The following GHR variants were observed in gnomAD, a reference collection of about 807,000 sequenced individuals.
GHR encodes the protein growth hormone receptor.
Under a neutral mutation model 67.1 loss-of-function variants are expected in GHR, and 35 were observed. That is an observed-to-expected ratio of 0.52 (90% CI 0.40 to 0.69). The LOEUF (loss-of-function observed/expected upper bound fraction) is 0.69. Ranked by LOEUF, GHR falls within the 30% of genes least tolerant of loss-of-function variation. The probability of loss-of-function intolerance (pLI) is 0.00; values close to 1 mark genes in which losing one functional copy is unlikely to be tolerated. For synonymous variants in GHR, 272 were observed against 269.1 expected (o/e 1.01, Z -0.10); for missense variants, 792 against 764.6 (o/e 1.04, Z -0.42).
At chr5:42,712,581 A>G (rs1429305434) in intron 7 of GHR, among the ~76,000 whole-genome samples, 1 of 152,156 alleles carries the variant, frequency 6.6e-6, no homozygotes. Flanking sequence ...AAATAAGAAA[A>G]GACTATTTCA....
chr5:42,515,180 A>C (rs966724987), intron 1 of GHR, among the ~76,000 whole-genome samples: 7 of 152,246 alleles, frequency 4.6e-5, no homozygotes, highest in Non-Finnish European at 1.0e-4. Flanking sequence ...AAAACCAAAG[A>C]ATGACTAAAG....
chr5:42,631,036 T>C (rs1416023156), intron 3 of GHR, among the ~76,000 whole-genome samples: 1 of 151,568 alleles, frequency 6.6e-6, no homozygotes, highest in Non-Finnish European at 1.5e-5. Context: ...CTACCCAGTG[T>C]TTCCCTGTCT....
At chr5:42,462,566 T>C (rs1744531777) in intron 1 of GHR, among the ~76,000 whole-genome samples, 1 of 152,192 alleles carries the variant, frequency 6.6e-6, no homozygotes, top group South Asian at 2.1e-4. Flanking sequence ...ATAATGAGAT[T>C]ATATAAATAA....
intron 1 of GHR, among the ~76,000 whole-genome samples, chr5:42,469,890 G>A (rs1048048076): frequency 1.3e-5 from 2 of 151,992 alleles, no homozygotes; most frequent in Admixed American, 6.6e-5. Context: ...GACACTTAAC[G>A]GAGTGGGGAC....
At chr5:42,517,413 C>G (rs1362593012) in intron 1 of GHR, among the ~76,000 whole-genome samples, 4 of 152,192 alleles carry the variant, frequency 2.6e-5, no homozygotes, top group African/African-American at 9.6e-5. Context: ...AAATCAGTAC[C>G]TATCCCATGG....
chr5:42,445,861 T>A (rs1235872660), intron 1 of GHR, among the ~76,000 whole-genome samples: 1 of 152,220 alleles, frequency 6.6e-6, no homozygotes, highest in Non-Finnish European at 1.5e-5. Flanking sequence ...GTTCTTTACA[T>A]ATTGAAGTGC....
At chr5:42,713,661 T>G (rs1758581653) in intron 8 of GHR, 142 bp downstream of exon 8, 2 of 645,696 alleles carry the variant, frequency 3.1e-6, no homozygotes, top group African/African-American at 3.7e-5. Flanking sequence ...TCTCCAGTTA[T>G]ATATTTACCA....
chr5:42,681,376 A>G (rs1374413896), intron 3 of GHR, among the ~76,000 whole-genome samples: 1 of 152,240 alleles, frequency 6.6e-6, no homozygotes, highest in African/African-American at 2.4e-5. Context: ...ATCACTGGTC[A>G]TCAGAGAAAT....
chr5:42,699,783 TTG>T, intron 5 of GHR, 39 bp from the exon 6 acceptor site: 1 of 1,340,292 alleles, frequency 7.5e-7, no homozygotes, highest in Non-Finnish European at 1.1e-6. Flanking sequence ...TAATATTAAA[TTG>T]TGTCTGTCTG....
chr5:42,656,946 T>G (rs976968852), intron 3 of GHR, among the ~76,000 whole-genome samples: 6 of 152,264 alleles, frequency 3.9e-5, no homozygotes, highest in African/African-American at 1.4e-4. Flanking sequence ...ATGATTCTTT[T>G]TTTCTGGTTT....
At chr5:42,481,165 A>C (rs1404940628) in intron 1 of GHR, among the ~76,000 whole-genome samples, 1 of 152,114 alleles carries the variant, frequency 6.6e-6, no homozygotes, top group Admixed American at 6.5e-5. Flanking sequence ...TTGGCTGGAT[A>C]TGAAATTCTG....
At chr5:42,454,176 C>G (rs1744163307) in intron 1 of GHR, among the ~76,000 whole-genome samples, 2 of 152,176 alleles carry the variant, frequency 1.3e-5, no homozygotes, top group Admixed American at 1.3e-4. Flanking sequence ...GCCATGTATA[C>G]CAGCACCTGC....
intron 2 of GHR, among the ~76,000 whole-genome samples, chr5:42,617,106 T>C (rs182338388): frequency 6.6e-6 from 1 of 152,066 alleles, no homozygotes; most frequent in Non-Finnish European, 1.5e-5. Context: ...ATGCTTTCCA[T>C]GTAGGTTTTT....
chr5:42,501,385 G>A (rs1052820612), intron 1 of GHR, among the ~76,000 whole-genome samples: 1 of 151,658 alleles, frequency 6.6e-6, no homozygotes, highest in African/African-American at 2.4e-5. Flanking sequence ...TTACATCAAT[G>A]TCATTAGGCC....
intron 1 of GHR, among the ~76,000 whole-genome samples, chr5:42,446,226 C>T (rs977621720): frequency 6.6e-6 from 1 of 152,148 alleles, no homozygotes; most frequent in African/African-American, 2.4e-5. Context: ...ATGGAAGCAG[C>T]AAAGACTCGC....
chr5:42,549,783 G>A (rs1040052087), intron 1 of GHR: 4 of 424,252 alleles, frequency 9.4e-6, no homozygotes, highest in South Asian at 1.9e-4. Context: ...CTATAAATTG[G>A]CAGTTTAAGA....
intron 1 of GHR, among the ~76,000 whole-genome samples, chr5:42,513,304 C>T (rs936210707): frequency 6.6e-6 from 1 of 152,154 alleles, no homozygotes; most frequent in African/African-American, 2.4e-5. Context: ...ATAGGAAATA[C>T]GCAGCTTTTG....
At chr5:42,527,616 A>T (rs1259920724) in intron 1 of GHR, among the ~76,000 whole-genome samples, 1 of 152,180 alleles carries the variant, frequency 6.6e-6, no homozygotes, top group African/African-American at 2.4e-5. Flanking sequence ...TTAGTGGGAG[A>T]CTTCAACACT....
At chr5:42,510,616 A>C (rs757687979) in intron 1 of GHR, among the ~76,000 whole-genome samples, 1 of 152,256 alleles carries the variant, frequency 6.6e-6, no homozygotes, top group Non-Finnish European at 1.5e-5. Flanking sequence ...GCAATAATAG[A>C]TACCTTGGGA....
Sources: gnomAD v4.1 joint callset for allele counts (sites outside exome capture counted in the v4.1 genomes callset) on GRCh38, gnomAD v4.1.1 for gene constraint, MANE v1.5 for transcripts, NCBI Gene and HGNC (gene_info 2026-07-23, HGNC 2026-07-21) for gene names.